PRKACB: variants seen among roughly 807,000 people sequenced by gnomAD.
The protein encoded by PRKACB is cAMP-dependent protein kinase catalytic subunit beta.
PRKACB carries 16 observed loss-of-function variants against 51.4 expected under a neutral mutation model. The ratio of observed to expected loss-of-function variants is 0.31; its 90% CI spans 0.21 to 0.47. PRKACB has a LOEUF of 0.47. PRKACB is among the 20% of genes least tolerant of loss of function. PRKACB has a pLI of 1.00. For missense variants in PRKACB, 309 were observed against 464.5 expected (o/e 0.67, Z 3.08); for synonymous variants, 147 against 154.4 (o/e 0.95, Z 0.35).
chr1:84,171,409 G>A lies in PRKACB; in HGVS notation c.188-7768G>A, dbSNP rs368029163. 1.2e-3 allele frequency among the ~76,000 whole-genome samples: 182 copies of A among 151,660 alleles called. 2 individuals carry two copies. The highest frequency in any genetic ancestry group is 4.2e-3 in the African/African-American group (176 of 41,480). On this transcript the variant is annotated intron_variant, in intron 1 of 9. Coordinates refer to ENST00000370685, the MANE Select transcript of PRKACB (RefSeq NM_182948.4). ...TAGAACTATACCTGTTTTAAAAATT[G>A]AATCACAGAATCTTTATGCAGAACT...
At chr1:84,164,475 A>G in intron 1 of PRKACB, 9 of 1,543,298 alleles carry the variant, frequency 5.8e-6, no homozygotes, top group Non-Finnish European at 7.9e-6. Flanking sequence ...AGATGTAAAA[A>G]GCGTAGATTA....
intron 1 of PRKACB, among the ~76,000 whole-genome samples, chr1:84,101,585 A>G (rs1649354831): frequency 6.6e-6 from 1 of 152,280 alleles, no homozygotes; most frequent in South Asian, 2.1e-4. Flanking sequence ...CTCATCTCCC[A>G]TTACCACAGC....
At chr1:84,119,480 A>G (rs1050182168) in intron 1 of PRKACB, among the ~76,000 whole-genome samples, 4 of 152,126 alleles carry the variant, frequency 2.6e-5, no homozygotes, top group African/African-American at 4.8e-5. Context: ...AAGAATGGCA[A>G]TTACACTATT....
intron 1 of PRKACB, among the ~76,000 whole-genome samples, chr1:84,110,508 T>G (rs1650140764): frequency 6.6e-6 from 1 of 151,880 alleles, no homozygotes; most frequent in Non-Finnish European, 1.5e-5. Flanking sequence ...ACCAAACTTT[T>G]TAATTAGTAG....
chr1:84,117,266 C>CT (rs948020394), intron 1 of PRKACB, among the ~76,000 whole-genome samples: 8 of 151,798 alleles, frequency 5.3e-5, no homozygotes, highest in African/African-American at 1.7e-4. Flanking sequence ...CTGTAGTTTT[C>CT]TTTTTTTGTT....
chr1:84,148,202 G>A (rs1443638574), intron 1 of PRKACB, among the ~76,000 whole-genome samples: 1 of 152,052 alleles, frequency 6.6e-6, no homozygotes. Context: ...TCTACCAGTG[G>A]TGAGATTTGC....
At chr1:84,197,847 TAAG>T (rs748524512) in intron 7 of PRKACB, 23 bp downstream of exon 7, 1 of 1,520,398 alleles carries the variant, frequency 6.6e-7, no homozygotes, top group East Asian at 2.3e-5. Flanking sequence ...TATCAACACA[TAAG>T]AAGTAGAAAT....
chr1:84,217,399 CT>C (rs1278240703), intron 9 of PRKACB, among the ~76,000 whole-genome samples: 1 of 152,010 alleles, frequency 6.6e-6, no homozygotes, highest in Non-Finnish European at 1.5e-5. Flanking sequence ...TAAAATCTAC[CT>C]CCTCCAACCC....
intron 9 of PRKACB, among the ~76,000 whole-genome samples, chr1:84,215,442 C>T (rs1266093941): frequency 6.6e-6 from 1 of 152,226 alleles, no homozygotes; most frequent in South Asian, 2.1e-4. Flanking sequence ...TTCAGAATAA[C>T]TTTGCACCTG....
chr1:84,092,015 C>A (rs994726050), intron 1 of PRKACB, among the ~76,000 whole-genome samples: 4 of 152,012 alleles, frequency 2.6e-5, no homozygotes, highest in African/African-American at 4.8e-5. Flanking sequence ...TGGTTTTTGT[C>A]GTAATCTACT....
At chr1:84,196,105 G>A (rs599852) in intron 5 of PRKACB, among the ~76,000 whole-genome samples, 149,568 of 152,280 alleles carry the variant, frequency 0.98, 73,521 homozygotes, top group East Asian at 1. Flanking sequence ...CATAACGAGC[G>A]TATGTCATTT....
intron 2 of PRKACB, among the ~76,000 whole-genome samples, chr1:84,181,385 A>C (rs772173563): frequency 2.0e-5 from 3 of 152,088 alleles, no homozygotes; most frequent in Non-Finnish European, 2.9e-5. Context: ...CATTTAACAC[A>C]TAATTTGTCC....
intron 1 of PRKACB, among the ~76,000 whole-genome samples, chr1:84,125,533 A>C (rs1340626732): frequency 6.6e-6 from 1 of 152,152 alleles, no homozygotes; most frequent in Admixed American, 6.5e-5. Flanking sequence ...CAGTAGATGG[A>C]ATTAATAGGG....
chr1:84,082,281 GAC>G (rs1350288680), intron 1 of PRKACB, among the ~76,000 whole-genome samples: 2 of 152,122 alleles, frequency 1.3e-5, no homozygotes, highest in Non-Finnish European at 2.9e-5. Context: ...CCGATGCTAA[GAC>G]ACACAGAATA....
At chr1:84,201,102 C>A (rs1331877000) in intron 7 of PRKACB, among the ~76,000 whole-genome samples, 1 of 152,036 alleles carries the variant, frequency 6.6e-6, no homozygotes, top group East Asian at 1.9e-4. Flanking sequence ...GGAATAGGAA[C>A]ATTTTTAAGG....
chr1:84,149,984 G>T (rs1395625178), intron 1 of PRKACB, among the ~76,000 whole-genome samples: 2 of 152,092 alleles, frequency 1.3e-5, no homozygotes, highest in Admixed American at 1.3e-4. Context: ...CAAATTTAAG[G>T]CCAGGTGTGG....
chr1:84,146,737 T>C (rs1654144821), intron 1 of PRKACB, among the ~76,000 whole-genome samples: 1 of 151,974 alleles, frequency 6.6e-6, no homozygotes, highest in African/African-American at 2.4e-5. Context: ...AAAGATCAGT[T>C]ACCAATTTAG....
intron 1 of PRKACB, among the ~76,000 whole-genome samples, chr1:84,089,580 C>T (rs1265801139): frequency 2.6e-5 from 4 of 152,174 alleles, no homozygotes; most frequent in African/African-American, 9.7e-5. Context: ...ATTTTGGCAT[C>T]TGGCCCACAA....
chr1:84,231,522 T>C (rs2101698967), intron 9 of PRKACB, among the ~76,000 whole-genome samples: 1 of 152,358 alleles, frequency 6.6e-6, no homozygotes, highest in Non-Finnish European at 1.5e-5. Flanking sequence ...GTACCTCTGG[T>C]AGAATTCGGC....
Sources: gnomAD v4.1 joint callset for allele counts (sites outside exome capture counted in the v4.1 genomes callset) on GRCh38, gnomAD v4.1.1 for gene constraint, MANE v1.5 for transcripts, NCBI Gene and HGNC (gene_info 2026-07-23, HGNC 2026-07-21) for gene names.